Variants in ENTREP2 observed in about 807,000 individuals in gnomAD.
ENTREP2 encodes protein ENTREP2.
At chr15:29,252,350 T>C in the ENTREP2 span, 1 of 1,443,886 alleles carries the variant, frequency 6.9e-7, no homozygotes, top group East Asian at 2.5e-5. Flanking sequence ...ATGAAAGGGT[T>C]TGCATTTCAT....
chr15:29,404,342 C>T, the ENTREP2 span, among the ~76,000 whole-genome samples: 3 of 151,932 alleles, frequency 2.0e-5, no homozygotes, highest in South Asian at 2.1e-4. Context: ...AAGGGAACCC[C>T]CCCATCTGAC....
the ENTREP2 span, among the ~76,000 whole-genome samples, chr15:29,596,898 G>C: frequency 1.3e-5 from 2 of 152,044 alleles, no homozygotes; most frequent in Non-Finnish European, 2.9e-5. Flanking sequence ...TTGAACTCCT[G>C]AACTCAAATG....
chr15:29,568,930 C>T, the ENTREP2 span, among the ~76,000 whole-genome samples: 3 of 152,126 alleles, frequency 2.0e-5, no homozygotes, highest in Non-Finnish European at 4.4e-5. Flanking sequence ...CTCTCCACAC[C>T]CTTGGGAACC....
At chr15:29,240,224 C>T in the ENTREP2 span, among the ~76,000 whole-genome samples, 6,238 of 152,146 alleles carry the variant, frequency 0.041, 474 homozygotes, top group African/African-American at 0.14. Flanking sequence ...ATTAGCTGGG[C>T]GTGGAGGCAC....
the ENTREP2 span, among the ~76,000 whole-genome samples, chr15:29,617,071 AAAAT>A: frequency 6.6e-6 from 1 of 152,144 alleles, no homozygotes; most frequent in Non-Finnish European, 1.5e-5. Flanking sequence ...AATTATAATA[AAAAT>A]AAATAAATAA....
the ENTREP2 span, among the ~76,000 whole-genome samples, chr15:29,159,410 T>G: frequency 9.2e-3 from 1,395 of 151,706 alleles, 20 homozygotes; most frequent in African/African-American, 0.031. Context: ...AACAGCATAA[T>G]AACAAAGCTT....
the ENTREP2 span, among the ~76,000 whole-genome samples, chr15:29,299,369 C>A: frequency 6.6e-6 from 1 of 152,190 alleles, no homozygotes; most frequent in African/African-American, 2.4e-5. Context: ...TGGAAAGACG[C>A]AGTGGTGGAG....
At chr15:29,600,998 C>T in the ENTREP2 span, among the ~76,000 whole-genome samples, 67 of 147,060 alleles carry the variant, frequency 4.6e-4, no homozygotes, top group Non-Finnish European at 7.7e-4. Flanking sequence ...CCCGGGTTCA[C>T]GCCATTCTCC....
the ENTREP2 span, among the ~76,000 whole-genome samples, chr15:29,444,969 A>C: frequency 1.3e-5 from 2 of 152,200 alleles, no homozygotes; most frequent in Admixed American, 6.5e-5. Flanking sequence ...GTGGACAAAG[A>C]CTAAAAGAAA....
the ENTREP2 span, among the ~76,000 whole-genome samples, chr15:29,660,571 C>T: frequency 3.8e-4 from 58 of 152,244 alleles, no homozygotes; most frequent in African/African-American, 1.2e-3. Flanking sequence ...TTTTGGGTTT[C>T]GAACCATGTG....
the ENTREP2 span, among the ~76,000 whole-genome samples, chr15:29,547,043 T>C: frequency 5.3e-5 from 8 of 151,496 alleles, no homozygotes; most frequent in Admixed American, 4.6e-4. Context: ...AAAGGAATTC[T>C]GCAAAGAAAG....
chr15:29,649,281 A>T, the ENTREP2 span, among the ~76,000 whole-genome samples: 1 of 152,242 alleles, frequency 6.6e-6, no homozygotes, highest in African/African-American at 2.4e-5. Context: ...AGGTGATGGG[A>T]GTGCATTGGC....
At chr15:29,162,642 G>A in the ENTREP2 span, among the ~76,000 whole-genome samples, 2 of 151,986 alleles carry the variant, frequency 1.3e-5, no homozygotes, top group Non-Finnish European at 2.9e-5. Flanking sequence ...TCCCCCACAG[G>A]AGCTGCAGCA....
At chr15:29,576,339 G>T in the ENTREP2 span, among the ~76,000 whole-genome samples, 33 of 152,184 alleles carry the variant, frequency 2.2e-4, no homozygotes, top group Non-Finnish European at 4.0e-4. Flanking sequence ...ACTCAAAATG[G>T]ACCTAAATAA....
chr15:29,372,113 T>C, the ENTREP2 span, among the ~76,000 whole-genome samples: 1 of 152,042 alleles, frequency 6.6e-6, no homozygotes, highest in Non-Finnish European at 1.5e-5. Context: ...TGGCAGAAAA[T>C]ACAGTTGGTT....
At chr15:29,304,869 A>G in the ENTREP2 span, among the ~76,000 whole-genome samples, 1 of 152,132 alleles carries the variant, frequency 6.6e-6, no homozygotes, top group East Asian at 1.9e-4. Flanking sequence ...CAGACATTGC[A>G]AGGCAAACTC....
the ENTREP2 span, among the ~76,000 whole-genome samples, chr15:29,219,614 A>AATATATAAATATATATATAT: frequency 2.6e-5 from 1 of 38,402 alleles, no homozygotes; most frequent in Non-Finnish European, 5.3e-5. Flanking sequence ...GTGGTGCATA[A>AATATATAAATATATATATAT]ATATATATAT....
the ENTREP2 span, among the ~76,000 whole-genome samples, chr15:29,158,963 G>A: frequency 4.6e-5 from 7 of 152,280 alleles, no homozygotes; most frequent in East Asian, 3.9e-4. Context: ...AAGATTAACA[G>A]AGAAAAGCGA....
chr15:29,171,365 C>T, the ENTREP2 span, among the ~76,000 whole-genome samples: 3 of 152,154 alleles, frequency 2.0e-5, no homozygotes, highest in Non-Finnish European at 4.4e-5. Context: ...AATGCAGGTT[C>T]ACTCATAAAC....
Sources: gnomAD v4.1 joint callset for allele counts (sites outside exome capture counted in the v4.1 genomes callset) on GRCh38, gnomAD v4.1.1 for gene constraint, MANE v1.5 for transcripts, NCBI Gene and HGNC (gene_info 2026-07-23, HGNC 2026-07-21) for gene names.